The following GALNT13 variants were observed in gnomAD, a reference collection of about 807,000 sequenced individuals.
GALNT13 encodes UDP-GalNAc:polypeptide N-acetylgalactosaminyltransferase 13.
GALNT13 carries 28 observed loss-of-function variants against 64.2 expected under a neutral mutation model. The observed-to-expected ratio is 0.44, with a 90% confidence interval of 0.32 to 0.60. The LOEUF (loss-of-function observed/expected upper bound fraction) is 0.60, where lower values mean the gene tolerates loss of function less well. Ranked by LOEUF, GALNT13 falls within the 20% of genes least tolerant of loss-of-function variation. The pLI, the probability that GALNT13 is intolerant of heterozygous loss-of-function variation, is 0.05. For missense variants in GALNT13, 577 were observed against 669.8 expected, an observed-to-expected ratio of 0.86 and a Z score of 1.53; for synonymous variants, 214 against 224.6, an observed-to-expected ratio of 0.95 and a Z score of 0.42.
chr2:153,477,156 G>A, the GALNT13 span, among the ~76,000 whole-genome samples: 1 of 152,066 alleles, frequency 6.6e-6, no homozygotes, highest in Non-Finnish European at 1.5e-5. Context: ...GCCTGAGGCT[G>A]GGCTCCTTCT....
chr2:153,706,982 A>ATAGTGCTGTT, the GALNT13 span, among the ~76,000 whole-genome samples: 10 of 152,078 alleles, frequency 6.6e-5, no homozygotes, highest in African/African-American at 1.9e-4. Context: ...ATGGTTCATG[A>ATAGTGCTGTT]TAGTGCTGTT....
the GALNT13 span, among the ~76,000 whole-genome samples, chr2:153,715,189 T>C: frequency 3.9e-5 from 6 of 152,238 alleles, no homozygotes; most frequent in Admixed American, 6.5e-5. Context: ...CACTGGGATG[T>C]GTATAATTTA....
At chr2:153,361,594 AAATC>A in the GALNT13 span, among the ~76,000 whole-genome samples, 2 of 152,002 alleles carry the variant, frequency 1.3e-5, no homozygotes, top group African/African-American at 4.8e-5. Context: ...ACCAATAGCC[AAATC>A]AATCAAGCAG....
chr2:154,229,326 T>C (rs907827705), intron 4 of GALNT13, among the ~76,000 whole-genome samples: 6 of 151,894 alleles, frequency 4.0e-5, no homozygotes, highest in African/African-American at 1.4e-4. Context: ...TATATACTAA[T>C]TCTCAAAACT....
At chr2:153,685,730 A>G in the GALNT13 span, among the ~76,000 whole-genome samples, 2 of 151,920 alleles carry the variant, frequency 1.3e-5, no homozygotes, top group African/African-American at 2.4e-5. Context: ...TCATCAGGAT[A>G]TCGTTGCCCG....
chr2:154,027,805 A>G (rs1269424276), intron 3 of GALNT13, among the ~76,000 whole-genome samples: 1 of 152,164 alleles, frequency 6.6e-6, no homozygotes, highest in Admixed American at 6.6e-5. Context: ...GAACAGCTTA[A>G]TGACAAAGAC....
chr2:154,006,884 G>A (rs1175951678), intron 3 of GALNT13, among the ~76,000 whole-genome samples: 1 of 152,148 alleles, frequency 6.6e-6, no homozygotes, highest in African/African-American at 2.4e-5. Flanking sequence ...CTTGTAAGAT[G>A]GCTCCCAGTG....
chr2:153,073,306 A>G, the GALNT13 span, among the ~76,000 whole-genome samples: 1 of 151,944 alleles, frequency 6.6e-6, no homozygotes, highest in African/African-American at 2.4e-5. Flanking sequence ...ATAAATATCT[A>G]TTTATTTTTA....
At chr2:154,385,361 A>G (rs1201496704) in intron 9 of GALNT13, among the ~76,000 whole-genome samples, 1 of 151,970 alleles carries the variant, frequency 6.6e-6, no homozygotes, top group Admixed American at 6.6e-5. Context: ...CGTGAGTCCT[A>G]TCATTCAAGG....
chr2:154,163,025 A>G (rs1409875123), intron 4 of GALNT13, among the ~76,000 whole-genome samples: 1 of 150,766 alleles, frequency 6.6e-6, no homozygotes, highest in East Asian at 1.9e-4. Context: ...GTACATGTGC[A>G]CAATGTGCAG....
At chr2:153,808,251 G>A in the GALNT13 span, among the ~76,000 whole-genome samples, 1 of 152,034 alleles carries the variant, frequency 6.6e-6, no homozygotes, top group African/African-American at 2.4e-5. Context: ...CTATAGTTCA[G>A]CAAACTGAAG....
chr2:153,732,273 T>C, the GALNT13 span, among the ~76,000 whole-genome samples: 1 of 152,146 alleles, frequency 6.6e-6, no homozygotes, highest in Non-Finnish European at 1.5e-5. Context: ...CTTGTTTCAG[T>C]GTCTTTTGAG....
chr2:153,751,480 G>A, the GALNT13 span, among the ~76,000 whole-genome samples: 14 of 151,656 alleles, frequency 9.2e-5, no homozygotes, highest in African/African-American at 3.4e-4. Context: ...TTTAGTTCTA[G>A]TAATATTTGC....
chr2:154,262,400 A>G (rs1210242172), intron 8 of GALNT13, among the ~76,000 whole-genome samples: 1 of 152,226 alleles, frequency 6.6e-6, no homozygotes, highest in Non-Finnish European at 1.5e-5. Flanking sequence ...TCTCTCGTCT[A>G]TAATCTTATC....
At chr2:154,014,987 A>C (rs1696910503) in intron 3 of GALNT13, among the ~76,000 whole-genome samples, 1 of 152,160 alleles carries the variant, frequency 6.6e-6, no homozygotes, top group African/African-American at 2.4e-5. Context: ...GAAAATATAC[A>C]ATTTCCCTTA....
the GALNT13 span, among the ~76,000 whole-genome samples, chr2:153,154,506 G>A: frequency 7.2e-5 from 11 of 151,916 alleles, no homozygotes; most frequent in African/African-American, 2.7e-4. Context: ...TCTTTTTGTG[G>A]CAGTTGTGAA....
At chr2:153,352,019 T>C in the GALNT13 span, among the ~76,000 whole-genome samples, 1 of 152,200 alleles carries the variant, frequency 6.6e-6, no homozygotes, top group Non-Finnish European at 1.5e-5. Flanking sequence ...TGTTTAGTTT[T>C]GTAAGAAGCT....
At chr2:154,365,349 A>G (rs1447393734) in intron 9 of GALNT13, among the ~76,000 whole-genome samples, 1 of 152,192 alleles carries the variant, frequency 6.6e-6, no homozygotes, top group Non-Finnish European at 1.5e-5. Context: ...AACCAGAGCA[A>G]TACAGCTACC....
At chr2:154,125,378 T>A (rs1390542176) in intron 3 of GALNT13, among the ~76,000 whole-genome samples, 1 of 152,140 alleles carries the variant, frequency 6.6e-6, no homozygotes, top group Non-Finnish European at 1.5e-5. Flanking sequence ...ACTAGCATAC[T>A]CCAAGAATCA....
Sources: gnomAD v4.1 joint callset for allele counts (sites outside exome capture counted in the v4.1 genomes callset) on GRCh38, gnomAD v4.1.1 for gene constraint, MANE v1.5 for transcripts, NCBI Gene and HGNC (gene_info 2026-07-23, HGNC 2026-07-21) for gene names.